Variants in PGC observed in about 807,000 individuals in gnomAD.
PGC encodes gastricsin.
In PGC, 31 loss-of-function variants were observed where a neutral mutation model predicts 45.9. The ratio of observed to expected loss-of-function variants is 0.67; its 90% CI spans 0.51 to 0.91. PGC has a LOEUF of 0.91. Ranked by LOEUF, PGC falls within the 40% of genes least tolerant of loss-of-function variation. PGC has a pLI of 0.00. For synonymous variants in PGC, 192 were observed against 201.8 expected, an observed-to-expected ratio of 0.95 and a Z score of 0.41; for missense variants, 477 against 493.2, an observed-to-expected ratio of 0.97 and a Z score of 0.31.
Position 41,740,616 on chromosome 6 carries a change from G to A in PGC, c.648-6C>T, listed in dbSNP as rs1771804729. ...CCCCGCTGGAGCCCTGCTGGCTGCA[G>A]GAGAGAAAGGGAAGGGGAAGTCAGG... On this transcript the variant is annotated splice_region_variant and splice_polypyrimidine_tract_variant and intron_variant, in intron 5 of 8. Transcript: ENST00000373025. 5 of 1,589,140 alleles carry A rather than the reference G, an allele frequency of 3.1e-6. No individual in the cohort carries two copies. The highest frequency in any genetic ancestry group is 3.4e-6 in the Non-Finnish European group (4 of 1,169,156).
chr6:41,739,909 C>T lies in PGC; in HGVS notation c.805G>A (p.Glu269Lys), dbSNP rs768116129. 9.9e-6 allele frequency: 16 copies of T among 1,614,052 alleles called. No homozygotes were observed. Among genetic ancestry groups the T allele is most frequent in the African/African-American group, 2.7e-5 (2 of 74,934 alleles). ...IGGQASGWCS[E>K]GCQAIVDTGT... ...GTGTCCACGATGGCCTGGCAACCCT[C>T]AGAACACCAGCCGGAGGCCTGGCCG... Residue 269 changes from glutamate (E) to lysine (K), a missense_variant, in exon 7 of 9, where the codon GAG becomes AAG. Coordinates refer to ENST00000373025, the MANE Select transcript of PGC (RefSeq NM_002630.4).
intron 6 of PGC, 83 bp downstream of exon 6, chr6:41,740,408 G>A: frequency 6.6e-7 from 1 of 1,517,256 alleles, no homozygotes; most frequent in Admixed American, 2.0e-5. Flanking sequence ...CCAGAGCAGT[G>A]CCAGACTGTG....
rs368598795 is a variant in PGC, at chr6:41,745,014, T to C, written c.60-206A>G. On this transcript the variant is annotated intron_variant, in intron 1 of 8. Transcript: ENST00000373025. Reference sequence around the variant, plus strand: ...GTCTCTCTGTGTGTGTGTGTGTGTGTGCGCGCGCGCGTGTTTCTTCCTCCC... The same window carrying C: ...GTCTCTCTGTGTGTGTGTGTGTGTGCGCGCGCGCGCGTGTTTCTTCCTCCC... 3.6e-3 allele frequency among the ~76,000 whole-genome samples: 364 copies of C among 99,886 alleles called. 3 individuals carry two copies. The highest frequency in any genetic ancestry group is 0.011 in the Middle Eastern group (2 of 180). 65.5% of individuals were successfully genotyped at this position (99,886 alleles called of 152,430 possible).
chr6:41,738,205 T>TATATATATACATATATATATAC lies in PGC; in HGVS notation c.916-378_916-377insGTATATATATATGTATATATAT, dbSNP rs1554138634. On this transcript the variant is annotated intron_variant, in intron 7 of 8. Transcript: ENST00000373025. ...ATATATATATGCATATATATATGCATATATATATGCATATATATATGCATA... is the reference window on the plus strand; with the variant it reads ...ATATATATATGCATATATATATGCATATATATATACATATATATATACATATATATGCATATATATATGCATA... Among the ~76,000 whole-genome samples, 219 of 63,284 alleles carry TATATATATACATATATATATAC rather than the reference T, an allele frequency of 3.5e-3. 20 individuals carry two copies. Among genetic ancestry groups the TATATATATACATATATATATAC allele is most frequent in the East Asian group, 0.013 (29 of 2,162 alleles). The allele number at this position is 63,284 out of a possible 152,430, so 41.5% of individuals were successfully genotyped here.
At chr6:41,740,038 A>T (rs901649642) in intron 6 of PGC, 92 bp from the exon 7 acceptor site, 22 of 1,164,150 alleles carry the variant, frequency 1.9e-5, no homozygotes, top group Non-Finnish European at 2.4e-5. Context: ...AAAGAGCTAC[A>T]GCTACTTTCT....
chr6:41,747,170 G>A, intron 1 of PGC, 106 bp downstream of exon 1: 1 of 909,604 alleles, frequency 1.1e-6, no homozygotes, highest in Non-Finnish European at 1.8e-6. Flanking sequence ...CCTAGCAGAA[G>A]TCCCAGAGTA....
chr6:41,739,531 A>C (rs1292760285), intron 7 of PGC, among the ~76,000 whole-genome samples: 2 of 151,362 alleles, frequency 1.3e-5, no homozygotes, highest in African/African-American at 4.9e-5. Flanking sequence ...CAATCCTCTC[A>C]CCTCAGCCTA....
At chr6:41,742,050 A>G (rs1440378117) in intron 5 of PGC, among the ~76,000 whole-genome samples, 1 of 152,182 alleles carries the variant, frequency 6.6e-6, no homozygotes, top group Admixed American at 6.5e-5. Context: ...CATCGTGGCC[A>G]TGGAATGCAA....
chr6:41,739,984 C>T (rs754889571), intron 6 of PGC, 38 bp from the exon 7 acceptor site: 1 of 1,593,678 alleles, frequency 6.3e-7, no homozygotes. Flanking sequence ...AGGACTCCCC[C>T]AGTTCAGGGC....
chr6:41,741,797 T>G, intron 5 of PGC: 11 of 1,536,080 alleles, frequency 7.2e-6, no homozygotes, highest in Non-Finnish European at 9.6e-6. Flanking sequence ...GATAACAACC[T>G]GCTAGGGGTC....
intron 7 of PGC, among the ~76,000 whole-genome samples, chr6:41,738,453 C>T (rs2395785): frequency 0.59 from 88,287 of 149,672 alleles, 28,121 homozygotes; most frequent in Non-Finnish European, 0.72. Context: ...CATGATGAAA[C>T]CCCGCCTCCA....
chr6:41,740,659 A>C (rs2127289369), intron 5 of PGC, 49 bp from the exon 6 acceptor site: 1 of 1,549,412 alleles, frequency 6.5e-7, no homozygotes, highest in Non-Finnish European at 8.7e-7. Context: ...ATGGAAAAGG[A>C]CTTTCCTCCT....
At chr6:41,740,407 T>C in intron 6 of PGC, 84 bp downstream of exon 6, 2 of 1,510,342 alleles carry the variant, frequency 1.3e-6, no homozygotes, top group Non-Finnish European at 1.8e-6. Flanking sequence ...CCCAGAGCAG[T>C]GCCAGACTGT....
At chr6:41,745,090 G>T (rs1295692372) in intron 1 of PGC, among the ~76,000 whole-genome samples, 2 of 152,010 alleles carry the variant, frequency 1.3e-5, no homozygotes, top group East Asian at 3.9e-4. Flanking sequence ...CTTGCTCTAA[G>T]ATTCAGAAAA....
chr6:41,741,513 G>A (rs998752333), intron 5 of PGC, among the ~76,000 whole-genome samples: 3 of 152,202 alleles, frequency 2.0e-5, no homozygotes, highest in Admixed American at 2.0e-4. Context: ...GAACACAGTG[G>A]CGCATGCCTG....
At chr6:41,740,970 G>A (rs1170327352) in intron 5 of PGC, 1 of 1,515,322 alleles carries the variant, frequency 6.6e-7, no homozygotes, top group East Asian at 2.5e-5. Context: ...GGAATTCCCA[G>A]CGCCTCAGGC....
In PGC at chr6:41,744,670, C is replaced by T. The variant is rs960899229; in HGVS notation, c.198G>A (p.Met66Ile). 10 of 1,614,000 alleles carry T rather than the reference C, an allele frequency of 6.2e-6. No individual in the cohort carries two copies. Among genetic ancestry groups the T allele is most frequent in the Non-Finnish European group, 8.5e-6 (10 of 1,180,020 alleles). The change falls in exon 2 of 9, where the codon ATG (methionine) becomes ATA (isoleucine). Residue 66 changes from methionine (M) to isoleucine (I), a missense_variant. Met to Ile is a conservative substitution (Grantham distance 10). Coordinates refer to ENST00000373025, the MANE Select transcript of PGC (RefSeq NM_002630.4). The surrounding 1 kb of genome is among the most constrained non-coding windows in gnomAD (Gnocchi z 4.4). ...GGTCAGGACTCACATCCATGTAGGC[C>T]ATGGGCTCGTAGGTCACGCTGAGGT... Reference protein sequence around the residue: ...FGDLSVTYEPMAYMDAAYFGE... With the variant: ...FGDLSVTYEPIAYMDAAYFGE...
At chr6:41,742,563 C>T (rs1385658022) in intron 4 of PGC, 74 bp from the exon 5 acceptor site, 1 of 1,086,734 alleles carries the variant, frequency 9.2e-7, no homozygotes, top group Non-Finnish European at 1.4e-6. Context: ...CTAGAGACTC[C>T]TCAAGCCTCT....
At chr6:41,743,762 C>A (rs1019480832) in intron 3 of PGC, among the ~76,000 whole-genome samples, 40 of 152,198 alleles carry the variant, frequency 2.6e-4, no homozygotes, top group Non-Finnish European at 1.9e-4. Context: ...AGCATTCCCC[C>A]CAGCCCTCCA....
Sources: gnomAD v4.1 joint callset for allele counts (sites outside exome capture counted in the v4.1 genomes callset) on GRCh38, gnomAD v4.1.1 for gene constraint, Gnocchi (gnomAD v3.1) non-coding constraint, MANE v1.5 for transcripts, NCBI Gene and HGNC (gene_info 2026-07-23, HGNC 2026-07-21) for gene names.